The following GLMN variants were observed in gnomAD, a reference collection of about 807,000 sequenced individuals.
GLMN encodes the protein glomulin.
In GLMN, 75 loss-of-function variants were observed where a neutral mutation model predicts 87.8. The observed-to-expected ratio is 0.85, with a 90% CI of 0.71 to 1.04. The LOEUF is 1.04. Ranked by LOEUF, GLMN falls within the 50% of genes least tolerant of loss-of-function variation. The pLI is 0.00. For missense variants in GLMN, 588 were observed against 658.8 expected (o/e 0.89, Z 1.18); for synonymous variants, 206 against 221.6 (o/e 0.93, Z 0.63).
At chr1:92,356,505 G>T in the GLMN span, among the ~76,000 whole-genome samples, 1 of 150,528 alleles carries the variant, frequency 6.6e-6, no homozygotes, top group South Asian at 2.1e-4. Flanking sequence ...TGCAACCTCC[G>T]CCTCCTGGGT....
Position 92,271,580 on chromosome 1 carries a change from T to C in GLMN, c.808A>G (p.Asn270Asp). ...FNHGRKKRTWNYLEFEEEENK... is the reference protein window; with the variant it reads ...FNHGRKKRTWDYLEFEEEENK... ...TCTTCTTCTTCAAATTCAAGGTAAT[T>C]CCAAGTTCTCTTTTTCCTTCCATGA... is the stretch of plus-strand genomic sequence containing the variant. Residue 270 changes from asparagine to aspartate, a missense_variant, in exon 8 of 19, where the codon AAT (asparagine) becomes GAT (aspartate). Coordinates refer to ENST00000370360, the MANE Select transcript of GLMN (RefSeq NM_053274.3). 1 of 1,611,980 alleles carries C rather than the reference T, an allele frequency of 6.2e-7. No individual in the cohort carries two copies. The highest frequency in any genetic ancestry group is 1.1e-5 in the South Asian group (1 of 90,994).
intron 17 of GLMN, among the ~76,000 whole-genome samples, chr1:92,247,656 T>G (rs898498436): frequency 6.6e-6 from 1 of 152,198 alleles, no homozygotes; most frequent in Non-Finnish European, 1.5e-5. Flanking sequence ...TAATCAGACC[T>G]TGAGGCTTTA....
At position 92,286,499 on chromosome 1, in the gene GLMN, T is replaced by G. The variant is rs1648767958; in HGVS notation, c.726A>C (p.Ser242=). 1 of 1,511,544 alleles carries G rather than the reference T, an allele frequency of 6.6e-7. No individual in the cohort carries two copies. The highest frequency in any genetic ancestry group is 9.2e-7 in the Non-Finnish European group (1 of 1,086,626). The allele number at this position is 1,511,544 out of a possible 1,614,324, so 93.6% of individuals were successfully genotyped here. The change falls in exon 7 of 19, where the codon TCA becomes TCC. Residue 242 remains serine, a synonymous_variant. Transcript: ENST00000370360. ...GGNDPFRYFA[S]EIIGFLSAIG... ...AATTAGCTGTACTTACTATTATTTC[T>G]GATGCAAAATACCTGAAAGGATCAT...
chr1:92,329,201 T>C, the GLMN span, among the ~76,000 whole-genome samples: 131,414 of 152,208 alleles, frequency 0.86, 57,164 homozygotes, highest in East Asian at 1. Flanking sequence ...AGGCAGTGGG[T>C]AGGGCCATAG....
chr1:92,282,903 T>TA (rs1427502049), intron 7 of GLMN, among the ~76,000 whole-genome samples: 1 of 152,120 alleles, frequency 6.6e-6, no homozygotes, highest in East Asian at 1.9e-4. Flanking sequence ...CCCAGACACA[T>TA]ACACCCTCCC....
At chr1:92,285,546 T>A (rs778253241) in intron 7 of GLMN, among the ~76,000 whole-genome samples, 50 of 152,322 alleles carry the variant, frequency 3.3e-4, no homozygotes, top group East Asian at 2.7e-3. Flanking sequence ...CAAACCAACA[T>A]GGCACATGTA....
chr1:92,310,928 C>CTTTTTTTTTTTTTTTTTTTTTTTTTTTTT, the GLMN span, among the ~76,000 whole-genome samples: 1 of 152,176 alleles, frequency 6.6e-6, no homozygotes, highest in African/African-American at 2.4e-5. Flanking sequence ...GATTAGATAT[C>CTTTTTTTTTTTTTTTTTTTTTTTTTTTTT]TTATTGAAAT....
intron 7 of GLMN, among the ~76,000 whole-genome samples, chr1:92,274,645 C>T (rs935221326): frequency 6.6e-6 from 1 of 152,214 alleles, no homozygotes; most frequent in Non-Finnish European, 1.5e-5. Flanking sequence ...CAAGTCATTG[C>T]ATCCACTCTC....
At chr1:92,288,857 T>C in intron 6 of GLMN, 57 bp downstream of exon 6, 1 of 879,950 alleles carries the variant, frequency 1.1e-6, no homozygotes, top group Middle Eastern at 3.1e-4. Context: ...AAACATAAAA[T>C]AACTGAACTA....
chr1:92,316,899 A>G, the GLMN span, among the ~76,000 whole-genome samples: 1 of 152,216 alleles, frequency 6.6e-6, no homozygotes, highest in East Asian at 1.9e-4. Context: ...ACCATTCTTT[A>G]TAGATTGGGG....
chr1:92,278,029 T>C (rs1201432234), intron 7 of GLMN, among the ~76,000 whole-genome samples: 1 of 152,020 alleles, frequency 6.6e-6, no homozygotes, highest in Non-Finnish European at 1.5e-5. Context: ...TATCTCCAGG[T>C]AGGTAACGTT....
chr1:92,356,035 T>C, the GLMN span, among the ~76,000 whole-genome samples: 9 of 152,254 alleles, frequency 5.9e-5, no homozygotes, highest in African/African-American at 2.2e-4. Flanking sequence ...TAAATTAATT[T>C]TTTAAATGTT....
At chr1:92,246,991 C>T in intron 18 of GLMN, 71 bp downstream of exon 18, 1 of 850,800 alleles carries the variant, frequency 1.2e-6, no homozygotes, top group East Asian at 2.4e-5. Context: ...CCACTGCACT[C>T]CAGCTTGGGC....
the GLMN span, among the ~76,000 whole-genome samples, chr1:92,322,718 A>G: frequency 6.6e-6 from 1 of 151,410 alleles, no homozygotes; most frequent in Non-Finnish European, 1.5e-5. Flanking sequence ...CTACTAAAAA[A>G]ATACAAAAAT....
the GLMN span, chr1:92,324,335 T>C: frequency 6.2e-7 from 1 of 1,613,894 alleles, no homozygotes; most frequent in Non-Finnish European, 8.5e-7. Flanking sequence ...GGACGGTATG[T>C]TTTGGGTGAA....
At chr1:92,268,642 G>A (rs758849420) in intron 9 of GLMN, among the ~76,000 whole-genome samples, 4 of 152,156 alleles carry the variant, frequency 2.6e-5, no homozygotes, top group Non-Finnish European at 5.9e-5. Flanking sequence ...TACAGAATTA[G>A]TAACTACTTG....
chr1:92,261,680 ACATTT>A (rs1473748567), intron 16 of GLMN, among the ~76,000 whole-genome samples: 2 of 152,210 alleles, frequency 1.3e-5, no homozygotes, highest in South Asian at 2.1e-4. Flanking sequence ...TAAAATTTGA[ACATTT>A]CATTATGTAA....
At chr1:92,350,714 C>T in the GLMN span, among the ~76,000 whole-genome samples, 89 of 152,210 alleles carry the variant, frequency 5.8e-4, no homozygotes, top group Admixed American at 1.1e-3. Context: ...CCGAGGCAGG[C>T]GGATCAGTTG....
chr1:92,301,257 G>A (rs569372111), upstream of GLMN, among the ~76,000 whole-genome samples: 4 of 152,338 alleles, frequency 2.6e-5, no homozygotes, highest in East Asian at 7.7e-4. Context: ...GCTGAGGTGG[G>A]AGTGTTGCTT....
Sources: allele counts gnomAD v4.1 joint callset (sites outside exome capture counted in the v4.1 genomes callset), GRCh38; gene constraint gnomAD v4.1.1; transcripts MANE v1.5; gene names NCBI Gene and HGNC (gene_info 2026-07-23, HGNC 2026-07-21).